The following MAPK10 variants were observed in gnomAD, a reference collection of about 807,000 sequenced individuals.
The protein encoded by MAPK10 is mitogen-activated protein kinase 10.
A neutral mutation model predicts 59.3 loss-of-function variants in MAPK10; 25 were observed. The ratio of observed to expected loss-of-function variants is 0.42; its 90% CI spans 0.31 to 0.59. MAPK10 has a LOEUF of 0.59. Among genes scored for constraint, MAPK10 ranks in the 20% least tolerant of loss-of-function variants. MAPK10 has a pLI of 0.15. For missense variants in MAPK10, 351 were observed against 568.9 expected, an observed-to-expected ratio of 0.62 and a Z score of 3.90; for synonymous variants, 190 against 200.5, an observed-to-expected ratio of 0.95 and a Z score of 0.44.
At chr4:86,137,559 C>T (rs1486199975) in intron 4 of MAPK10, among the ~76,000 whole-genome samples, 1 of 131,124 alleles carries the variant, frequency 7.6e-6, no homozygotes, top group Non-Finnish European at 1.6e-5. Context: ...ATTTATAGCA[C>T]TAAATGCCCA....
intron 1 of MAPK10, among the ~76,000 whole-genome samples, chr4:86,586,625 T>G (rs151072634): frequency 0.01 from 1,584 of 152,328 alleles, 10 homozygotes; most frequent in Non-Finnish European, 0.013. Flanking sequence ...TTTAACTCAT[T>G]AATAACTAAA....
At chr4:86,326,373 C>T (rs1239555589) in intron 2 of MAPK10, 1 of 152,124 alleles carries the variant, frequency 6.6e-6, no homozygotes, top group Non-Finnish European at 1.5e-5. Context: ...AAAATTTACT[C>T]TGATTTCAGT....
At chr4:86,354,322 G>A (rs1733293254) in intron 2 of MAPK10, among the ~76,000 whole-genome samples, 1 of 152,042 alleles carries the variant, frequency 6.6e-6, no homozygotes. Flanking sequence ...CTGCACCCAT[G>A]CACCTCAAGA....
chr4:86,295,360 C>T (rs1025503163), intron 2 of MAPK10, among the ~76,000 whole-genome samples: 5 of 152,086 alleles, frequency 3.3e-5, no homozygotes, highest in African/African-American at 1.2e-4. Context: ...AACTTGTATT[C>T]TCCTCCCTAC....
chr4:86,390,752 G>C (rs1207514379), intron 1 of MAPK10, among the ~76,000 whole-genome samples: 1 of 152,194 alleles, frequency 6.6e-6, no homozygotes, highest in African/African-American at 2.4e-5. Flanking sequence ...TTTCCTAGGA[G>C]GACAGTACAC....
chr4:86,190,104 G>T (rs1466566373), intron 3 of MAPK10, among the ~76,000 whole-genome samples: 1 of 151,974 alleles, frequency 6.6e-6, no homozygotes, highest in Non-Finnish European at 1.5e-5. Context: ...AGCCAACTTG[G>T]TCAAGGTAGA....
intron 4 of MAPK10, chr4:86,119,583 C>CAAAAAAAAAA (rs1200405289): frequency 1.9e-5 from 1 of 52,656 alleles, no homozygotes; most frequent in Admixed American, 2.0e-4. Context: ...GACTCCATCA[C>CAAAAAAAAAA]AAAAAAAAAA....
chr4:86,571,531 C>T (rs1295741745), intron 1 of MAPK10, among the ~76,000 whole-genome samples: 1 of 151,790 alleles, frequency 6.6e-6, no homozygotes, highest in Non-Finnish European at 1.5e-5. Flanking sequence ...GGTTAAAAAC[C>T]GGAAAGCATA....
At chr4:86,474,715 C>A (rs902562072) in intron 1 of MAPK10, among the ~76,000 whole-genome samples, 4 of 152,192 alleles carry the variant, frequency 2.6e-5, no homozygotes, top group Admixed American at 2.0e-4. Flanking sequence ...ATAAAGTGAG[C>A]ATTCCAGAGA....
chr4:86,224,203 C>G (rs1425612370), intron 2 of MAPK10, among the ~76,000 whole-genome samples: 1 of 152,128 alleles, frequency 6.6e-6, no homozygotes, highest in African/African-American at 2.4e-5. Context: ...GCCTGGAATT[C>G]TGCTAGACAC....
At chr4:86,568,438 T>C (rs1012857471) in intron 1 of MAPK10, among the ~76,000 whole-genome samples, 6 of 151,888 alleles carry the variant, frequency 4.0e-5, no homozygotes, top group African/African-American at 1.5e-4. Context: ...AAAATAATCC[T>C]AAAATTCATA....
At chr4:86,235,252 C>T (rs577017536) in intron 2 of MAPK10, among the ~76,000 whole-genome samples, 1 of 152,324 alleles carries the variant, frequency 6.6e-6, no homozygotes, top group African/African-American at 2.4e-5. Context: ...TATCCTCATT[C>T]TTACTCGATC....
intron 1 of MAPK10, among the ~76,000 whole-genome samples, chr4:86,385,437 T>C (rs993298786): frequency 6.6e-6 from 1 of 152,202 alleles, no homozygotes; most frequent in Non-Finnish European, 1.5e-5. Flanking sequence ...ACTCTGTGGT[T>C]GACTTTAACA....
intron 4 of MAPK10, among the ~76,000 whole-genome samples, chr4:86,141,225 T>C (rs1325900404): frequency 2.0e-5 from 3 of 152,162 alleles, no homozygotes; most frequent in Non-Finnish European, 4.4e-5. Flanking sequence ...AGGATATAGT[T>C]TACAAAAACA....
chr4:86,567,223 AT>A (rs139082508), intron 1 of MAPK10, among the ~76,000 whole-genome samples: 33,734 of 147,202 alleles, frequency 0.23, 4,319 homozygotes, highest in Admixed American at 0.3. Flanking sequence ...TTAGTTCTAA[AT>A]TTTTTTTTTT....
chr4:86,030,747 C>G (rs569048230), intron 12 of MAPK10, among the ~76,000 whole-genome samples: 1 of 152,208 alleles, frequency 6.6e-6, no homozygotes, highest in Admixed American at 6.5e-5. Context: ...CTTATTAATT[C>G]CTGCAAGGTA....
chr4:86,497,306 T>C (rs1754940252), intron 1 of MAPK10, among the ~76,000 whole-genome samples: 1 of 152,212 alleles, frequency 6.6e-6, no homozygotes, highest in South Asian at 2.1e-4. Context: ...GTCACACTTA[T>C]GCTTTCCATT....
intron 1 of MAPK10, among the ~76,000 whole-genome samples, chr4:86,563,115 G>A (rs80226343): frequency 0.047 from 7,137 of 152,244 alleles, 222 homozygotes; most frequent in African/African-American, 0.059. Flanking sequence ...ATATTTGTGC[G>A]ATGTTGAATA....
chr4:86,122,860 T>G (rs565188282), intron 4 of MAPK10, among the ~76,000 whole-genome samples: 61 of 152,246 alleles, frequency 4.0e-4, no homozygotes, highest in African/African-American at 1.4e-3. Flanking sequence ...CCCATAACTT[T>G]GTAAAGCATC....
Sources: allele counts gnomAD v4.1 joint callset (sites outside exome capture counted in the v4.1 genomes callset), GRCh38; gene constraint gnomAD v4.1.1; transcripts MANE v1.5; gene names NCBI Gene and HGNC (gene_info 2026-07-23, HGNC 2026-07-21).